UGT2B4: variants seen among roughly 807,000 people sequenced by gnomAD.
UGT2B4 encodes the protein UDP-glucuronosyltransferase 2B4.
UGT2B4 carries 49 observed loss-of-function variants against 49.8 expected under a neutral mutation model. The observed-to-expected ratio is 0.98, with a 90% CI of 0.78 to 1.25. The LOEUF is 1.25. Among genes scored for constraint, UGT2B4 ranks in the 50% most tolerant of loss-of-function variants. The pLI is 0.00. For synonymous variants in UGT2B4, 246 were observed against 217.7 expected (o/e 1.13, Z -1.14); for missense variants, 729 against 627.7 (o/e 1.16, Z -1.73).
In UGT2B4 at chr4:69,483,881, C is replaced by T. The variant is rs188654829; in HGVS notation, c.1310+1327G>A. Among the ~76,000 whole-genome samples the T allele has an allele frequency of 3.5e-3, 537 of 151,766 alleles. 4 individuals carry two copies. The highest frequency in any genetic ancestry group is 0.012 in the African/African-American group (491 of 41,366). On this transcript the variant is annotated intron_variant, in intron 5 of 5. Coordinates refer to ENST00000305107, the MANE Select transcript of UGT2B4 (RefSeq NM_021139.3). ...AAATGTTAGTGCACCAAGAACGAGA[C>T]GAAATATTTATAAATTATATATCTC...
rs1553896653 is a variant in UGT2B4, at chr4:69,502,110, T to TTTCTTTCTTTCTTTCTTTCTTTCTTTC, written c.-105-6171_-105-6145dup. On this transcript the variant is annotated intron_variant, in intron 1 of 1. Coordinates refer to the UGT2B4 transcript ENST00000510114. ...TTCTCTCTCTTTCTTTCTTTCTTTC[T>TTTCTTTCTTTCTTTCTTTCTTTCTTTC]TTCTTTCTTTCTTTCTTTCTTTCTT... Among the ~76,000 whole-genome samples, 374 of 120,274 alleles carry TTTCTTTCTTTCTTTCTTTCTTTCTTTC rather than the reference T, an allele frequency of 3.1e-3. 21 individuals are homozygous for TTTCTTTCTTTCTTTCTTTCTTTCTTTC. The highest frequency in any genetic ancestry group is 8.7e-3 in the Middle Eastern group (2 of 230). 78.9% of individuals were successfully genotyped at this position (120,274 alleles called of 152,430 possible).
chr4:69,521,431 T>A (rs1419567448), intron 1 of UGT2B4, among the ~76,000 whole-genome samples: 1 of 152,054 alleles, frequency 6.6e-6, no homozygotes, highest in Admixed American at 6.6e-5. Context: ...CAGATGTGGG[T>A]GACTGCAGCA....
intron 1 of UGT2B4, among the ~76,000 whole-genome samples, chr4:69,524,584 G>A (rs35783289): frequency 0.35 from 53,399 of 151,752 alleles, 9,477 homozygotes; most frequent in Non-Finnish European, 0.37. Flanking sequence ...AAAGATTAAA[G>A]CTTTATGAAA....
intron 5 of UGT2B4, 82 bp from the exon 6 acceptor site, chr4:69,480,992 AG>A (rs1223890678): frequency 2.7e-5 from 40 of 1,500,482 alleles, no homozygotes; most frequent in Non-Finnish European, 3.5e-5. Flanking sequence ...CAATCCCAGC[AG>A]TTTCCGAGGT....
intron 1 of UGT2B4, among the ~76,000 whole-genome samples, chr4:69,512,204 C>G (rs896217636): frequency 2.0e-5 from 3 of 151,264 alleles, no homozygotes; most frequent in African/African-American, 7.3e-5. Context: ...TTTGTTCTTT[C>G]TTGGCTCTTT....
At chr4:69,502,801 G>T (rs901949203) in intron 1 of UGT2B4, among the ~76,000 whole-genome samples, 13 of 152,104 alleles carry the variant, frequency 8.5e-5, no homozygotes, top group African/African-American at 2.7e-4. Flanking sequence ...GACCCTAAAT[G>T]CCATATTCAC....
upstream of UGT2B4, among the ~76,000 whole-genome samples, chr4:69,500,818 G>T (rs1197730454): frequency 6.6e-6 from 1 of 152,144 alleles, no homozygotes; most frequent in Non-Finnish European, 1.5e-5. Context: ...CCTCGGGTCA[G>T]GAAGTCCCCT....
At chr4:69,486,346 G>A (rs1387610898) in intron 4 of UGT2B4, among the ~76,000 whole-genome samples, 2 of 152,086 alleles carry the variant, frequency 1.3e-5, no homozygotes, top group African/African-American at 4.8e-5. Context: ...AGACAACCCA[G>A]GAAGTGCCAG....
chr4:69,520,201 C>T (rs866549923), intron 1 of UGT2B4, among the ~76,000 whole-genome samples: 2 of 152,170 alleles, frequency 1.3e-5, no homozygotes, highest in African/African-American at 4.8e-5. Context: ...GACACAATTA[C>T]AGACATTAGA....
chr4:69,510,847 G>A (rs1728586044), intron 1 of UGT2B4, among the ~76,000 whole-genome samples: 1 of 152,030 alleles, frequency 6.6e-6, no homozygotes, highest in Non-Finnish European at 1.5e-5. Context: ...CCAGTACTAT[G>A]TGGAATAGAA....
chr4:69,508,837 C>T (rs889726838), intron 1 of UGT2B4, among the ~76,000 whole-genome samples: 4 of 152,122 alleles, frequency 2.6e-5, no homozygotes, highest in African/African-American at 9.7e-5. Context: ...TGTACATGCA[C>T]CCCTGAACTT....
In UGT2B4 at chr4:69,489,555, C is replaced by T; in HGVS notation, c.886G>A (p.Val296Ile). The part of the protein sequence containing the change: ...KPLPKEMEEF[V>I]QSSGENGVVV... The stretch of plus-strand genomic sequence containing the variant: ...ACACCATTTTCTCCAGAGCTCTGGA[C>T]AAACTCTTCCATTTCCTGTGAAAAA... Residue 296 changes from valine to isoleucine, a missense_variant, in exon 3 of 6, where the codon GTC becomes ATC. Coordinates refer to ENST00000305107, the MANE Select transcript of UGT2B4 (RefSeq NM_021139.3). 1 of 1,607,886 alleles carries T rather than the reference C, an allele frequency of 6.2e-7. No individual in the cohort carries two copies. The highest frequency in any genetic ancestry group is 1.7e-5 in the Admixed American group (1 of 58,672).
upstream of UGT2B4, among the ~76,000 whole-genome samples, chr4:69,499,623 T>C (rs1351088326): frequency 6.6e-6 from 1 of 152,216 alleles, no homozygotes; most frequent in African/African-American, 2.4e-5. Flanking sequence ...GTAATAGCCT[T>C]CTTTATCTTT....
intron 2 of UGT2B4, 147 bp from the exon 3 acceptor site, chr4:69,489,717 T>A (rs935203820): frequency 5.8e-6 from 7 of 1,207,150 alleles, no homozygotes; most frequent in East Asian, 2.7e-5. Flanking sequence ...ATTACTCAGT[T>A]TTTTTTGCAA....
At chr4:69,481,084 A>C (rs1190020673) in intron 5 of UGT2B4, among the ~76,000 whole-genome samples, 174 bp from the exon 6 acceptor site, 1 of 98,184 alleles carries the variant, frequency 1.0e-5, no homozygotes, top group Admixed American at 1.2e-4. Context: ...GTCTCCAGTA[A>C]AAATATGAAA....
upstream of UGT2B4, among the ~76,000 whole-genome samples, chr4:69,500,408 C>T (rs775876972): frequency 6.2e-5 from 9 of 145,840 alleles, no homozygotes; most frequent in Non-Finnish European, 1.4e-4. Flanking sequence ...AAAACAAATA[C>T]AATGAAGAAC....
At chr4:69,483,173 T>G (rs1252488741) in intron 5 of UGT2B4, among the ~76,000 whole-genome samples, 1 of 152,196 alleles carries the variant, frequency 6.6e-6, no homozygotes, top group Non-Finnish European at 1.5e-5. Context: ...TATTCAAAAT[T>G]TAAAGATTTT....
At chr4:69,525,758 T>C (rs1728966045) in exon 1 of UGT2B4, 1 of 1,249,716 alleles carries the variant, frequency 8.0e-7, no homozygotes, top group East Asian at 5.9e-5. Flanking sequence ...CTCAAGCAGC[T>C]CACATGTTTA....
chr4:69,525,841 C>A, exon 1 of UGT2B4: 1 of 716,474 alleles, frequency 1.4e-6, no homozygotes. Flanking sequence ...GTGGCTCACA[C>A]CGTTAATCCC....
Sources: allele counts gnomAD v4.1 joint callset (sites outside exome capture counted in the v4.1 genomes callset), GRCh38; gene constraint gnomAD v4.1.1; transcripts MANE v1.5; gene names NCBI Gene and HGNC (gene_info 2026-07-23, HGNC 2026-07-21).